Variants in UBTF observed in about 807,000 individuals in gnomAD.
UBTF encodes nucleolar transcription factor 1.
Under a neutral mutation model 112.3 loss-of-function variants are expected in UBTF, and 8 were observed. The ratio of observed to expected loss-of-function variants is 0.07; its 90% CI spans 0.04 to 0.13. The LOEUF (loss-of-function observed/expected upper bound fraction) is 0.13. Among genes scored for constraint, UBTF ranks in the 10% least tolerant of loss-of-function variants. The pLI, the probability that UBTF is intolerant of heterozygous loss-of-function variation, is 1.00. For synonymous variants in UBTF, 417 were observed against 373.1 expected, an observed-to-expected ratio of 1.12 and a Z score of -1.36; for missense variants, 457 against 982.1, an observed-to-expected ratio of 0.47 and a Z score of 7.15.
chr17:44,220,329 G>C (rs1392498496), upstream of UBTF, among the ~76,000 whole-genome samples: 1 of 151,904 alleles, frequency 6.6e-6, no homozygotes, highest in Non-Finnish European at 1.5e-5. Context: ...AGTTCTCCCA[G>C]CTCAGACTAG....
intron 3 of UBTF, 49 bp from the exon 4 acceptor site, chr17:44,216,038 C>A (rs762998881): frequency 6.9e-7 from 1 of 1,445,964 alleles, no homozygotes; most frequent in South Asian, 1.1e-5. Flanking sequence ...AAGGAAAATG[C>A]CACACAGTAG....
Position 44,207,847 on chromosome 17 carries a change from T to C in UBTF, c.1953+17A>G. Reference sequence around the variant, plus strand: ...TCCCCCACCCCTACCCCACTGCTGCTCTGCTCCCAGACTCACATTGGAGAT... The same window carrying C: ...TCCCCCACCCCTACCCCACTGCTGCCCTGCTCCCAGACTCACATTGGAGAT... On this transcript the variant is annotated intron_variant, in intron 18 of 20. Coordinates refer to ENST00000436088, the MANE Select transcript of UBTF (RefSeq NM_014233.4). The C allele has an allele frequency of 6.2e-7, 1 of 1,614,042 alleles. No homozygotes were observed. Among genetic ancestry groups the C allele is most frequent in the Non-Finnish European group, 8.5e-7 (1 of 1,180,016 alleles).
Position 44,206,873 on chromosome 17 carries a change from C to A in UBTF, c.*369G>T. 3 of 336,766 alleles carry A rather than the reference C, an allele frequency of 8.9e-6. No homozygotes were observed. Among genetic ancestry groups the A allele is most frequent in the Non-Finnish European group, 1.6e-5 (3 of 186,082 alleles). The allele number at this position is 336,766 out of a possible 1,614,324, so 20.9% of individuals were successfully genotyped here. On this transcript the variant is annotated 3_prime_UTR_variant, in exon 21 of 21. Transcript: ENST00000436088. ...GCTTCCACCCCACCTTGGATTGGGC[C>A]GCAGGTGTGGAGGGCCTCATCAAAC... is the stretch of plus-strand genomic sequence containing the variant.
Position 44,207,482 on chromosome 17 carries a change from C to A in UBTF, c.2141G>T (p.Ser714Ile). 1 of 1,614,076 alleles carries A rather than the reference C, an allele frequency of 6.2e-7. No homozygotes were observed. The highest frequency in any genetic ancestry group is 8.5e-7 in the Non-Finnish European group (1 of 1,179,998). Reference sequence around the variant, plus strand: ...ATCCCCATCCTCGCTCTCGTCCTCGCTGCTGGACTCAGAGGAGTCGCCGCC... The same window carrying A: ...ATCCCCATCCTCGCTCTCGTCCTCGATGCTGGACTCAGAGGAGTCGCCGCC... The part of the protein sequence containing the change: ...EDGGDSSESS[S>I]EDESEDGDEN... Residue 714 changes from serine (S) to isoleucine (I), a missense_variant, in exon 20 of 21, where the codon AGC (serine) becomes ATC (isoleucine). This residue lies in a region of UBTF where 139 missense variants were observed against 157.5 expected (regional missense o/e 0.88). Transcript: ENST00000436088.
At chr17:44,215,875 A>G in intron 4 of UBTF, 31 bp downstream of exon 4, 2 of 1,613,668 alleles carry the variant, frequency 1.2e-6, no homozygotes, top group South Asian at 1.1e-5. Flanking sequence ...TTCCTCCCAT[A>G]CCCCTCATGC....
chr17:44,210,722 G>T, intron 13 of UBTF, 70 bp downstream of exon 13: 1 of 1,536,010 alleles, frequency 6.5e-7, no homozygotes, highest in Non-Finnish European at 8.8e-7. Context: ...GAGGTGGCAC[G>T]GCCCGCCAAG....
intron 3 of UBTF, 22 bp downstream of exon 3, chr17:44,216,507 T>G: frequency 1.2e-6 from 2 of 1,613,466 alleles, no homozygotes; most frequent in Non-Finnish European, 1.7e-6. Context: ...TGTGTGTATG[T>G]CAGAAAAGGG....
chr17:44,212,322 AG>A (rs753693274), intron 8 of UBTF, 21 bp downstream of exon 8: 2 of 1,595,750 alleles, frequency 1.3e-6, no homozygotes, highest in Non-Finnish European at 1.7e-6. Context: ...CCGGACGGGG[AG>A]GAGCGCAGCG....
In UBTF at chr17:44,210,917, A is replaced by T; in HGVS notation, c.1234T>A (p.Ser412Thr). ...GGSEKPKRPV[S>T]AMFIFSEEKR... ...TCCTCCGAGAAGATGAACATGGCCG[A>T]CACGGGCCGCTTGGGCTTCTCGGAG... Residue 412 changes from serine (S) to threonine (T), a missense_variant, in exon 13 of 21, where the codon TCG (serine) becomes ACG (threonine). Ser to Thr is a moderately conservative substitution (Grantham distance 58). Transcript: ENST00000436088. 1 of 1,607,636 alleles carries T rather than the reference A, an allele frequency of 6.2e-7. No homozygotes were observed.
Position 44,209,328 on chromosome 17 carries a change from T to A in UBTF, c.1905+24A>T, listed in dbSNP as rs201279517. On this transcript the variant is annotated intron_variant, in intron 17 of 20. Coordinates refer to ENST00000436088, the MANE Select transcript of UBTF (RefSeq NM_014233.4). ...CTTAGTCTGATGCCTCTCTGTTCCTTCCAAGGGTCCCTTGCCCTCTCACCT... is the reference window on the plus strand; with the variant it reads ...CTTAGTCTGATGCCTCTCTGTTCCTACCAAGGGTCCCTTGCCCTCTCACCT... The A allele has an allele frequency of 1.1e-3, 1,702 of 1,569,206 alleles. 4 individuals are homozygous for A. Among genetic ancestry groups the A allele is most frequent in the Non-Finnish European group, 1.4e-3 (1,605 of 1,154,380 alleles).
At position 44,210,776 on chromosome 17, in the gene UBTF, C is replaced by T. The variant is rs201338082; in HGVS notation, c.1359+16G>A. On this transcript the variant is annotated intron_variant, in intron 13 of 20. Coordinates refer to ENST00000436088, the MANE Select transcript of UBTF (RefSeq NM_014233.4). The stretch of plus-strand genomic sequence containing the variant: ...CAGCCCCCCTGGGGGCACAGCGCTC[C>T]GCCAGGCAGCCTGACCTTCTTCTTC... 1.2e-4 allele frequency: 191 copies of T among 1,556,424 alleles called. No individual in the cohort carries two copies. Among genetic ancestry groups the T allele is most frequent in the Middle Eastern group, 8.7e-4 (5 of 5,764 alleles).
In UBTF at chr17:44,211,575, C is replaced by A; in HGVS notation, c.1047+31G>T. 6.2e-7 allele frequency: 1 copy of A among 1,600,084 alleles called. No individual in the cohort carries two copies. Among genetic ancestry groups the A allele is most frequent in the Non-Finnish European group, 8.5e-7 (1 of 1,174,144 alleles). ...GGATCAGACCTCATGCTTCAAAACC[C>A]CAAGGCAGGGTGGCCCCTGCCACAG... On this transcript the variant is annotated intron_variant, in intron 10 of 20. Coordinates refer to ENST00000436088, the MANE Select transcript of UBTF (RefSeq NM_014233.4). This position sits in a 1 kb window ranked among gnomAD's most constrained non-coding sequence, Gnocchi z 4.9.
rs1184222757 is a variant in UBTF at position 44,211,699 on chromosome 17, G to A, written c.954C>T (p.Asp318=). 26 of 1,609,520 alleles carry A rather than the reference G, an allele frequency of 1.6e-5. No homozygotes were observed. The highest frequency in any genetic ancestry group is 5.0e-5 in the Admixed American group (3 of 60,006). ...YCAELMANMK[D]VPSTERMVLC... The stretch of plus-strand genomic sequence containing the variant: ...GCACCATGCGCTCTGTGCTGGGCAC[G>A]TCCTTCATGTTGGCCATGAGCTCTG... The change falls in exon 10 of 21, where the codon GAC becomes GAT. Residue 318 remains aspartate, a synonymous_variant. Transcript: ENST00000436088. This position sits in a 1 kb window ranked among gnomAD's most constrained non-coding sequence, Gnocchi z 4.9.
In UBTF at chr17:44,219,501, G is replaced by A. The variant is rs1406107311; in HGVS notation, c.-124C>T. The A allele has an allele frequency of 6.6e-6, 1 of 152,368 alleles. No individual in the cohort carries two copies. The highest frequency in any genetic ancestry group is 1.5e-5 in the Non-Finnish European group (1 of 68,016). 9.4% of individuals were successfully genotyped at this position (152,368 alleles called of 1,614,324 possible). A position where few individuals can be genotyped will look rare whatever the true frequency, so the allele number is the denominator to read the frequency against. ...CCAGCGGCTCCCTCCCTGGCTCTGA[G>A]TGGCGGCGCCCTCCCCCGCTCGGCC... On this transcript the variant is annotated 5_prime_UTR_variant, in exon 1 of 21. Coordinates refer to ENST00000436088, the MANE Select transcript of UBTF (RefSeq NM_014233.4).
intron 2 of UBTF, 52 bp from the exon 3 acceptor site, chr17:44,216,756 T>C (rs1211829614): frequency 1.3e-6 from 2 of 1,588,138 alleles, no homozygotes; most frequent in South Asian, 2.2e-5. Flanking sequence ...ATCCCCCCGA[T>C]CTGTTCCCCA....
intron 7 of UBTF, 33 bp from the exon 8 acceptor site, chr17:44,212,487 C>T (rs2056748236): frequency 7.7e-7 from 1 of 1,295,072 alleles, no homozygotes; most frequent in East Asian, 2.4e-5. Flanking sequence ...CACGCACAGG[C>T]AGCCAGGGGC....
chr17:44,212,530 A>G, intron 7 of UBTF, 76 bp from the exon 8 acceptor site: 1 of 1,010,482 alleles, frequency 9.9e-7, no homozygotes, highest in Non-Finnish European at 1.5e-6. Context: ...GGGGGCACAG[A>G]GGCCCCCGCC....
chr17:44,207,499 G>A lies in UBTF; in HGVS notation c.2124C>T (p.Asp708=). ...ENGDSSEDGG[D]SSESSSEDES... is the part of the protein sequence containing the mutation. ...CGTCCTCGCTGCTGGACTCAGAGGA[G>A]TCGCCGCCATCTTCAGAGGAGTCCC... Residue 708 remains aspartate (D), a synonymous_variant, in exon 20 of 21, where the codon GAC becomes GAT. Coordinates refer to ENST00000436088, the MANE Select transcript of UBTF (RefSeq NM_014233.4). 1 of 1,613,968 alleles carries A rather than the reference G, an allele frequency of 6.2e-7. No individual in the cohort carries two copies. Among genetic ancestry groups the A allele is most frequent in the Non-Finnish European group, 8.5e-7 (1 of 1,179,990 alleles).
chr17:44,209,465 C>T lies in UBTF; in HGVS notation c.1792G>A (p.Val598Met). 2 of 1,614,174 alleles carry T rather than the reference C, an allele frequency of 1.2e-6. No individual in the cohort carries two copies. The highest frequency in any genetic ancestry group is 1.7e-6 in the Non-Finnish European group (2 of 1,179,984). Residue 598 changes from valine (V) to methionine (M), a missense_variant, in exon 17 of 21, where the codon GTG (valine) becomes ATG (methionine). This residue lies in a region of UBTF where 77 missense variants were observed against 211.9 expected (regional missense o/e 0.36). Transcript: ENST00000436088. The part of the protein sequence containing the change: ...LNHLPLKERM[V>M]EIGSRWQRIS... ...CGCTGCCAGCGACTGCCGATCTCCACCATGCGCTCCTTCAGCGGCAGGTGG... is the reference window on the plus strand; with the variant it reads ...CGCTGCCAGCGACTGCCGATCTCCATCATGCGCTCCTTCAGCGGCAGGTGG...
Sources: gnomAD v4.1 joint callset for allele counts (sites outside exome capture counted in the v4.1 genomes callset) on GRCh38, gnomAD v4.1.1 for gene constraint, gnomAD v4.1.1 regional missense constraint, Gnocchi (gnomAD v3.1) non-coding constraint, MANE v1.5 for transcripts, NCBI Gene and HGNC (gene_info 2026-07-23, HGNC 2026-07-21) for gene names.